GABARAPL1: variants seen among roughly 807,000 people sequenced by gnomAD.
The protein encoded by GABARAPL1 is GABA type A receptor associated protein like 1.
Under a neutral mutation model 14.5 loss-of-function variants are expected in GABARAPL1, and 4 were observed. The ratio of observed to expected loss-of-function variants is 0.28; its 90% confidence interval spans 0.14 to 0.63. The LOEUF is 0.63. Among genes scored for constraint, GABARAPL1 ranks in the 30% least tolerant of loss-of-function variants. GABARAPL1 has a pLI of 0.84. For synonymous variants in GABARAPL1, 47 were observed against 50.6 expected, an observed-to-expected ratio of 0.93 and a Z score of 0.30; for missense variants, 82 against 139.2, an observed-to-expected ratio of 0.59 and a Z score of 2.07.
chr12:10,221,312 G>A (rs1949119341), intron 3 of GABARAPL1: 1 of 974,316 alleles, frequency 1.0e-6, no homozygotes, highest in African/African-American at 1.8e-5. Flanking sequence ...TATAGTGAAG[G>A]ACTTTATTAT....
At chr12:10,219,334 A>G (rs1380344990) in intron 2 of GABARAPL1, among the ~76,000 whole-genome samples, 1 of 43,796 alleles carries the variant, frequency 2.3e-5, no homozygotes, top group Non-Finnish European at 8.2e-5. Flanking sequence ...AACAAAAAAC[A>G]AAAAAAAAAA....
At chr12:10,218,588 C>T (rs571882309) in intron 2 of GABARAPL1, among the ~76,000 whole-genome samples, 1 of 151,962 alleles carries the variant, frequency 6.6e-6, no homozygotes. Flanking sequence ...CAAGAAGACT[C>T]AATAGTTCTT....
At chr12:10,218,714 ATAT>A (rs1949103915) in intron 2 of GABARAPL1, among the ~76,000 whole-genome samples, 1 of 151,416 alleles carries the variant, frequency 6.6e-6, no homozygotes, top group African/African-American at 2.4e-5. Context: ...TAATTAATTA[ATAT>A]TATTATTTGA....
At chr12:10,218,300 G>A (rs1050378427) in intron 2 of GABARAPL1, among the ~76,000 whole-genome samples, 159 bp downstream of exon 2, 9 of 152,186 alleles carry the variant, frequency 5.9e-5, no homozygotes, top group Non-Finnish European at 7.3e-5. Flanking sequence ...CAGGCTGGGC[G>A]CCCTGGCTCA....
chr12:10,213,160 T>C lies in GABARAPL1; in HGVS notation c.31T>C (p.Phe11Leu). The change falls in exon 1 of 4, where the codon TTT (phenylalanine) becomes CTT (leucine). Residue 11 changes from phenylalanine (F) to leucine (L), a missense_variant. By Grantham distance (22) the Phe-to-Leu change is conservative. Transcript: ENST00000266458. MKFQYKEDHP[F>L]EYRKKEGEKI... ...GTTCCAGTACAAGGAGGACCATCCC[T>C]TTGAGTATCGGAAAAAGGAAGGAGA... is the stretch of plus-strand genomic sequence containing the variant. The C allele has an allele frequency of 6.3e-7, 1 of 1,588,520 alleles. No individual in the cohort carries two copies. The highest frequency in any genetic ancestry group is 8.6e-7 in the Non-Finnish European group (1 of 1,167,564).
At chr12:10,216,835 C>T (rs1284425715) in intron 1 of GABARAPL1, among the ~76,000 whole-genome samples, 4 of 152,022 alleles carry the variant, frequency 2.6e-5, no homozygotes, top group African/African-American at 4.8e-5. Context: ...CCATTGCGCC[C>T]GGCAATGATT....
chr12:10,213,174 A>G lies in GABARAPL1; in HGVS notation c.45A>G (p.Lys15=), dbSNP rs1169163327. 6.3e-7 allele frequency: 1 copy of G among 1,587,592 alleles called. No individual in the cohort carries two copies. The highest frequency in any genetic ancestry group is 8.6e-7 in the Non-Finnish European group (1 of 1,167,116). ...AGGACCATCCCTTTGAGTATCGGAA[A>G]AAGGAAGGAGAAAAGATCCGGAAGA... ...YKEDHPFEYR[K]KEGEKIRKKY... The change falls in exon 1 of 4, where the codon AAA becomes AAG. Residue 15 remains lysine (K), a synonymous_variant. Transcript: ENST00000266458.
In GABARAPL1 at chr12:10,221,932, G is replaced by C. The variant is rs1846767961; in HGVS notation, c.*80G>C. 4 of 1,298,042 alleles carry C rather than the reference G, an allele frequency of 3.1e-6. No homozygotes were observed. The highest frequency in any genetic ancestry group is 1.2e-5 in the South Asian group (1 of 83,156). The allele number at this position is 1,298,042 out of a possible 1,614,324, so 80.4% of individuals were successfully genotyped here. A position where few individuals can be genotyped will look rare whatever the true frequency, so the allele number is the denominator to read the frequency against. On this transcript the variant is annotated 3_prime_UTR_variant, in exon 4 of 4. Transcript: ENST00000266458. The stretch of plus-strand genomic sequence containing the variant: ...GTGTGTGCGCGACATGGGGAAAGAG[G>C]GTGGCTCCCACCGCAAGGAGACAGA...
chr12:10,216,276 C>T (rs1291340384), intron 1 of GABARAPL1, among the ~76,000 whole-genome samples: 1 of 151,832 alleles, frequency 6.6e-6, no homozygotes, highest in Non-Finnish European at 1.5e-5. Context: ...GAGGCTGAGG[C>T]AGGAGAATCG....
chr12:10,214,702 C>A (rs1031477325), intron 1 of GABARAPL1: 3 of 152,234 alleles, frequency 2.0e-5, no homozygotes, highest in Admixed American at 2.0e-4. Flanking sequence ...AATGCAGTAA[C>A]TTCCTAAAGG....
chr12:10,213,416 G>A, intron 1 of GABARAPL1, 197 bp downstream of exon 1: 1 of 647,452 alleles, frequency 1.5e-6, no homozygotes, highest in Non-Finnish European at 2.9e-6. Flanking sequence ...CGTATGCCTG[G>A]GCCCCGAACC....
intron 1 of GABARAPL1, among the ~76,000 whole-genome samples, chr12:10,216,965 GA>G (rs78481684): frequency 0.083 from 12,637 of 152,124 alleles, 671 homozygotes; most frequent in East Asian, 0.22. Context: ...AGAAATACAT[GA>G]TTTTTTTACA....
intron 1 of GABARAPL1, among the ~76,000 whole-genome samples, chr12:10,216,226 C>T (rs1215835717): frequency 6.6e-6 from 1 of 151,996 alleles, no homozygotes; most frequent in Non-Finnish European, 1.5e-5. Flanking sequence ...CAAAAATTAG[C>T]CGGGCGTGGT....
chr12:10,217,059 A>G (rs1949094694), intron 1 of GABARAPL1, among the ~76,000 whole-genome samples: 1 of 152,204 alleles, frequency 6.6e-6, no homozygotes, highest in South Asian at 2.1e-4. Flanking sequence ...TGATTTTATA[A>G]CAGATATTTT....
rs1355670954 is a variant in GABARAPL1 at position 10,221,945 on chromosome 12, G to A, written c.*93G>A. ...ATGGGGAAAGAGGGTGGCTCCCACC[G>A]CAAGGAGACAGAAGGTGAAGACATC... On this transcript the variant is annotated 3_prime_UTR_variant, in exon 4 of 4. Coordinates refer to ENST00000266458, the MANE Select transcript of GABARAPL1 (RefSeq NM_031412.4). The A allele has an allele frequency of 9.4e-6, 10 of 1,062,120 alleles. No homozygotes were observed. The highest frequency in any genetic ancestry group is 3.9e-5 in the South Asian group (3 of 77,424). The allele number at this position is 1,062,120 out of a possible 1,614,324, so 65.8% of individuals were successfully genotyped here.
In GABARAPL1 at chr12:10,222,102, G is replaced by A; in HGVS notation, c.*250G>A. The A allele has an allele frequency of 2.0e-6, 1 of 504,650 alleles. No homozygotes were observed. Among genetic ancestry groups the A allele is most frequent in the Admixed American group, 3.2e-5 (1 of 31,038 alleles). The allele number at this position is 504,650 out of a possible 1,614,324, so 31.3% of individuals were successfully genotyped here. On this transcript the variant is annotated 3_prime_UTR_variant, in exon 4 of 4. Transcript: ENST00000266458. Reference sequence around the variant, plus strand: ...GGATTGGCTTTGATAGAGGAATGGGGATGATGTAAGTTTACAGTATTCCTG... The same window carrying A: ...GGATTGGCTTTGATAGAGGAATGGGAATGATGTAAGTTTACAGTATTCCTG...
At chr12:10,217,404 T>G (rs1303979474) in intron 1 of GABARAPL1, among the ~76,000 whole-genome samples, 2 of 152,020 alleles carry the variant, frequency 1.3e-5, no homozygotes, top group East Asian at 3.8e-4. Flanking sequence ...CAGGACCATA[T>G]GAGAAAACCC....
At chr12:10,216,967 T>C (rs1440939788) in intron 1 of GABARAPL1, among the ~76,000 whole-genome samples, 1 of 128,184 alleles carries the variant, frequency 7.8e-6, no homozygotes, top group East Asian at 3.1e-4. Flanking sequence ...AAATACATGA[T>C]TTTTTTACAA....
intron 1 of GABARAPL1, chr12:10,213,578 A>G (rs1949070731): frequency 6.0e-6 from 2 of 333,122 alleles, no homozygotes; most frequent in Non-Finnish European, 1.2e-5. Flanking sequence ...GGGGCCATGG[A>G]TTGGCTGCCT....
Sources: allele counts gnomAD v4.1 joint callset (sites outside exome capture counted in the v4.1 genomes callset), GRCh38; gene constraint gnomAD v4.1.1; transcripts MANE v1.5; gene names NCBI Gene and HGNC (gene_info 2026-07-23, HGNC 2026-07-21).